HPSE2: variants seen among roughly 807,000 people sequenced by gnomAD.
HPSE2 encodes the protein inactive heparanase-2.
HPSE2 carries 38 observed loss-of-function variants against 60.5 expected under a neutral mutation model. The ratio of observed to expected loss-of-function variants is 0.63; its 90% CI spans 0.48 to 0.82. The LOEUF is 0.82. Ranked by LOEUF, HPSE2 falls within the 40% of genes least tolerant of loss-of-function variation. HPSE2 has a pLI of 0.00. For missense variants in HPSE2, 713 were observed against 740.4 expected, an observed-to-expected ratio of 0.96 and a Z score of 0.43; for synonymous variants, 295 against 293.2, an observed-to-expected ratio of 1.01 and a Z score of -0.06.
chr10:99,246,272 A>T, the HPSE2 span, among the ~76,000 whole-genome samples: 28 of 152,204 alleles, frequency 1.8e-4, no homozygotes, highest in Non-Finnish European at 4.4e-5. Flanking sequence ...AGGTCTGACA[A>T]TGGACCGGGT....
chr10:99,110,663 T>C (rs1324068111), intron 3 of HPSE2, among the ~76,000 whole-genome samples: 1 of 152,154 alleles, frequency 6.6e-6, no homozygotes, highest in Non-Finnish European at 1.5e-5. Context: ...ATACCACTTT[T>C]ATTAATCTCT....
intron 2 of HPSE2, among the ~76,000 whole-genome samples, chr10:99,231,617 T>C (rs12764454): frequency 0.046 from 7,021 of 152,216 alleles, 218 homozygotes; most frequent in Non-Finnish European, 0.071. Context: ...GAAATAAGAT[T>C]TCAAGTTTTC....
intron 3 of HPSE2, among the ~76,000 whole-genome samples, chr10:98,916,377 T>C (rs1954120595): frequency 6.6e-6 from 1 of 152,244 alleles, no homozygotes; most frequent in Non-Finnish European, 1.5e-5. Flanking sequence ...CACTGTCACA[T>C]ACTATTTGAC....
Position 98,743,928 on chromosome 10 carries a change from A to G in HPSE2, c.739T>C (p.Tyr247His). The change falls in exon 4 of 12, where the codon TAC becomes CAC. Residue 247 changes from tyrosine to histidine, a missense_variant. Coordinates refer to ENST00000370552, the MANE Select transcript of HPSE2 (RefSeq NM_021828.5). Reference sequence around the variant, plus strand: ...ATGTTGTACTTTTTGCTGGCGCTGTACTTCAACAGACTCAGGGCACTAGAA... The same window carrying G: ...ATGTTGTACTTTTTGCTGGCGCTGTGCTTCAACAGACTCAGGGCACTAGAA... ...NSSSALSLLK[Y>H]SASKKYNISW... 1 of 1,614,114 alleles carries G rather than the reference A, an allele frequency of 6.2e-7. No homozygotes were observed. The highest frequency in any genetic ancestry group is 8.5e-7 in the Non-Finnish European group (1 of 1,179,982).
chr10:99,287,117 G>A, the HPSE2 span, among the ~76,000 whole-genome samples: 1 of 152,100 alleles, frequency 6.6e-6, no homozygotes, highest in Admixed American at 6.5e-5. Context: ...TTCATTAAAT[G>A]TTTGTTGAAT....
At chr10:98,539,235 T>C (rs960679741) in intron 9 of HPSE2, among the ~76,000 whole-genome samples, 2 of 152,184 alleles carry the variant, frequency 1.3e-5, no homozygotes, top group Non-Finnish European at 1.5e-5. Context: ...TTAAAAAGCA[T>C]GTTAGGCTGG....
At chr10:99,166,842 A>G (rs2805364) in intron 2 of HPSE2, among the ~76,000 whole-genome samples, 103,061 of 149,642 alleles carry the variant, frequency 0.69, 38,910 homozygotes, top group Non-Finnish European at 0.83. Context: ...GTGAGACTCC[A>G]TCTCAAAGAA....
At chr10:98,834,311 T>C (rs1951745751) in intron 3 of HPSE2, among the ~76,000 whole-genome samples, 2 of 152,276 alleles carry the variant, frequency 1.3e-5, no homozygotes, top group South Asian at 4.1e-4. Context: ...CTTTAAAAAC[T>C]AATTGGTGAC....
chr10:99,254,260 A>G, the HPSE2 span, among the ~76,000 whole-genome samples: 65 of 152,188 alleles, frequency 4.3e-4, no homozygotes, highest in Non-Finnish European at 8.1e-4. Context: ...CATCCATTGA[A>G]ACAACATAGA....
intron 3 of HPSE2, among the ~76,000 whole-genome samples, chr10:98,780,863 T>C (rs1485177069): frequency 6.6e-6 from 1 of 152,128 alleles, no homozygotes; most frequent in East Asian, 1.9e-4. Context: ...CACTGCACCA[T>C]TTCCTCTTCC....
chr10:99,071,071 T>G (rs1026681070), intron 3 of HPSE2, among the ~76,000 whole-genome samples: 7 of 138,418 alleles, frequency 5.1e-5, no homozygotes, highest in Non-Finnish European at 8.1e-5. Context: ...TTTTAATTCT[T>G]TTTTTTTTTT....
At chr10:99,125,600 C>A (rs1845131364) in intron 3 of HPSE2, among the ~76,000 whole-genome samples, 1 of 152,196 alleles carries the variant, frequency 6.6e-6, no homozygotes, top group South Asian at 2.1e-4. Flanking sequence ...AAAGAAGTGG[C>A]ATGCCACTGC....
chr10:98,858,323 C>G (rs1952368243), intron 3 of HPSE2, among the ~76,000 whole-genome samples: 1 of 152,166 alleles, frequency 6.6e-6, no homozygotes, highest in Admixed American at 6.5e-5. Context: ...CAATTAGCAG[C>G]CTGTTAAACA....
chr10:99,021,135 G>A (rs948966764), intron 3 of HPSE2, among the ~76,000 whole-genome samples: 3 of 152,158 alleles, frequency 2.0e-5, no homozygotes, highest in Non-Finnish European at 2.9e-5. Context: ...AGAGAAGCAT[G>A]CTGTCTTTAA....
intron 9 of HPSE2, among the ~76,000 whole-genome samples, chr10:98,605,902 G>A (rs573632854): frequency 4.7e-4 from 71 of 152,266 alleles, no homozygotes; most frequent in African/African-American, 2.4e-5. Flanking sequence ...CCTGTTGAGC[G>A]ATGCTCTGCT....
At chr10:98,823,279 A>T (rs1030890348) in intron 3 of HPSE2, among the ~76,000 whole-genome samples, 5 of 152,168 alleles carry the variant, frequency 3.3e-5, no homozygotes, top group Non-Finnish European at 7.4e-5. Context: ...CTAACTTGTG[A>T]TTTGTTACAG....
chr10:98,950,956 C>T (rs536730872), intron 3 of HPSE2, among the ~76,000 whole-genome samples: 1 of 152,272 alleles, frequency 6.6e-6, no homozygotes, highest in East Asian at 1.9e-4. Flanking sequence ...GTCTGGCTTT[C>T]TGTGCCACTT....
intron 3 of HPSE2, among the ~76,000 whole-genome samples, chr10:99,074,021 C>T (rs1237313087): frequency 1.4e-5 from 2 of 142,370 alleles, no homozygotes; most frequent in African/African-American, 5.1e-5. Flanking sequence ...ATAATTTTTA[C>T]TTCTTCCTTT....
intron 9 of HPSE2, among the ~76,000 whole-genome samples, chr10:98,586,832 C>T (rs2184817): frequency 0.28 from 42,728 of 152,044 alleles, 6,290 homozygotes; most frequent in East Asian, 0.48. Context: ...TATCATCAGT[C>T]GTGGGTGCTC....
Sources: gnomAD v4.1 joint callset for allele counts (sites outside exome capture counted in the v4.1 genomes callset) on GRCh38, gnomAD v4.1.1 for gene constraint, MANE v1.5 for transcripts, NCBI Gene and HGNC (gene_info 2026-07-23, HGNC 2026-07-21) for gene names.